The following TRPS1 variants were observed in gnomAD, a reference collection of about 807,000 sequenced individuals.
TRPS1 encodes zinc finger transcription factor Trps1.
Under a neutral mutation model 101.2 loss-of-function variants are expected in TRPS1, and 6 were observed. The ratio of observed to expected loss-of-function variants is 0.06; its 90% CI spans 0.03 to 0.12. The LOEUF is 0.12. Ranked by LOEUF, TRPS1 falls within the 10% of genes least tolerant of loss-of-function variation. The probability of loss-of-function intolerance (pLI) is 1.00; values close to 1 mark genes in which losing one functional copy is unlikely to be tolerated. For missense variants in TRPS1, 1,363 were observed against 1,567.0 expected, an observed-to-expected ratio of 0.87 and a Z score of 2.20; for synonymous variants, 578 against 589.8, an observed-to-expected ratio of 0.98 and a Z score of 0.29.
intron 4 of TRPS1, among the ~76,000 whole-genome samples, chr8:115,593,452 C>A (rs1368574084): frequency 6.6e-6 from 1 of 152,090 alleles, no homozygotes; most frequent in Admixed American, 6.6e-5. Flanking sequence ...TACTGTTTCA[C>A]GTACGTTATT....
intron 5 of TRPS1, among the ~76,000 whole-genome samples, chr8:115,503,994 T>G (rs769421423): frequency 6.6e-6 from 1 of 152,204 alleles, no homozygotes; most frequent in Non-Finnish European, 1.5e-5. Flanking sequence ...GTGTGTTTCA[T>G]TAGATTGCTC....
At chr8:115,550,536 CTT>C (rs941441919) in intron 5 of TRPS1, among the ~76,000 whole-genome samples, 2 of 152,178 alleles carry the variant, frequency 1.3e-5, no homozygotes, top group Non-Finnish European at 2.9e-5. Flanking sequence ...AAGTACAACT[CTT>C]TTAACTACCA....
At chr8:115,630,982 T>G (rs1249175098) in intron 1 of TRPS1, among the ~76,000 whole-genome samples, 1 of 152,126 alleles carries the variant, frequency 6.6e-6, no homozygotes, top group Non-Finnish European at 1.5e-5. Context: ...CATATTTGTC[T>G]GCCTCTATAG....
intron 5 of TRPS1, among the ~76,000 whole-genome samples, chr8:115,581,239 A>G (rs934282983): frequency 1.1e-4 from 17 of 152,066 alleles, no homozygotes; most frequent in Admixed American, 1.0e-3. Flanking sequence ...GGAAGAGAAG[A>G]TATTAGAGGA....
At chr8:115,505,665 C>T (rs977571167) in intron 5 of TRPS1, among the ~76,000 whole-genome samples, 1 of 151,962 alleles carries the variant, frequency 6.6e-6, no homozygotes, top group Non-Finnish European at 1.5e-5. Flanking sequence ...ACCTATCTAC[C>T]CACTAGAAGA....
chr8:115,488,286 G>A (rs1814936057), intron 5 of TRPS1, among the ~76,000 whole-genome samples: 3 of 152,136 alleles, frequency 2.0e-5, no homozygotes, highest in African/African-American at 7.2e-5. Context: ...ACTTTTATAT[G>A]CACTGAGAAG....
chr8:115,530,768 A>G (rs1816109188), intron 5 of TRPS1, among the ~76,000 whole-genome samples: 1 of 152,134 alleles, frequency 6.6e-6, no homozygotes, highest in Non-Finnish European at 1.5e-5. Flanking sequence ...TGATGAGTTC[A>G]TGTCCTTTGT....
intron 5 of TRPS1, among the ~76,000 whole-genome samples, chr8:115,555,964 G>A (rs1222364202): frequency 6.6e-6 from 1 of 152,080 alleles, no homozygotes; most frequent in Non-Finnish European, 1.5e-5. Flanking sequence ...GAGGGAGGCT[G>A]CAGTGAACCA....
rs1812842768 is a variant in TRPS1 at position 115,413,716 on chromosome 8, T to A, written c.*307A>T. On this transcript the variant is annotated 3_prime_UTR_variant, in exon 7 of 7. Coordinates refer to ENST00000395715, the MANE Select transcript of TRPS1 (RefSeq NM_014112.5). ...GTCTCTTTCTTTATAAATATATTAA[T>A]TCTAGTCTGGTGATATCTCTTATGG... 2 of 302,336 alleles carry A rather than the reference T, an allele frequency of 6.6e-6. No homozygotes were observed. Among genetic ancestry groups the A allele is most frequent in the Admixed American group, 4.8e-5 (1 of 20,962 alleles). 18.7% of individuals were successfully genotyped at this position (302,336 alleles called of 1,614,324 possible). A position where few individuals can be genotyped will look rare whatever the true frequency, so the allele number is the denominator to read the frequency against.
At chr8:115,528,517 AT>A (rs770872158) in intron 5 of TRPS1, among the ~76,000 whole-genome samples, 2 of 152,058 alleles carry the variant, frequency 1.3e-5, no homozygotes, top group African/African-American at 2.4e-5. Flanking sequence ...ATTTTAAAAG[AT>A]TTCAAACACA....
chr8:115,502,506 A>C (rs1815343392), intron 5 of TRPS1, among the ~76,000 whole-genome samples: 1 of 152,194 alleles, frequency 6.6e-6, no homozygotes, highest in Non-Finnish European at 1.5e-5. Flanking sequence ...AGGTTTCAAA[A>C]CACCTAAAGG....
chr8:115,582,973 G>C (rs1051156341), intron 5 of TRPS1, among the ~76,000 whole-genome samples: 1 of 152,056 alleles, frequency 6.6e-6, no homozygotes, highest in Non-Finnish European at 1.5e-5. Context: ...GATTTTCCAT[G>C]AGCTCCCCCT....
intron 5 of TRPS1, among the ~76,000 whole-genome samples, chr8:115,438,469 A>G (rs1287318426): frequency 6.6e-6 from 1 of 152,188 alleles, no homozygotes; most frequent in Non-Finnish European, 1.5e-5. Flanking sequence ...CAACTGGTCA[A>G]TCATGATGAA....
At chr8:115,450,001 A>G (rs1022673543) in intron 5 of TRPS1, among the ~76,000 whole-genome samples, 1 of 152,000 alleles carries the variant, frequency 6.6e-6, no homozygotes, top group Non-Finnish European at 1.5e-5. Context: ...ACATACACAC[A>G]CAGAGGAAAA....
intron 5 of TRPS1, among the ~76,000 whole-genome samples, chr8:115,447,986 C>G (rs1483825774): frequency 6.6e-6 from 1 of 152,064 alleles, no homozygotes; most frequent in Non-Finnish European, 1.5e-5. Flanking sequence ...CTTTTCCTTT[C>G]AATTATACTA....
Position 115,418,458 on chromosome 8 carries a change from A to G in TRPS1, c.2701-6T>C. 2 of 1,614,130 alleles carry G rather than the reference A, an allele frequency of 1.2e-6. No homozygotes were observed. Among genetic ancestry groups the G allele is most frequent in the Non-Finnish European group, 1.7e-6 (2 of 1,179,978 alleles). On this transcript the variant is annotated splice_polypyrimidine_tract_variant and splice_region_variant and intron_variant, in intron 5 of 6. Transcript: ENST00000395715. This position sits in a 1 kb window ranked among gnomAD's most constrained non-coding sequence, Gnocchi z 4.3. ...ACACCGGAGCCTCTACGCCTCTGAA[A>G]CAGGGGAAAAAAACCAAGGTCAGAG...
At chr8:115,461,313 A>C (rs2129973684) in intron 5 of TRPS1, among the ~76,000 whole-genome samples, 1 of 151,684 alleles carries the variant, frequency 6.6e-6, no homozygotes, top group South Asian at 2.1e-4. Flanking sequence ...AGATACATAC[A>C]TACATACATA....
intron 1 of TRPS1, among the ~76,000 whole-genome samples, chr8:115,625,342 G>A (rs1003449281): frequency 2.0e-5 from 3 of 151,714 alleles, no homozygotes; most frequent in African/African-American, 7.3e-5. Context: ...GTACAATAAG[G>A]GAATTTGAAT....
intron 1 of TRPS1, among the ~76,000 whole-genome samples, chr8:115,665,125 A>G (rs1329060466): frequency 2.0e-5 from 3 of 152,170 alleles, no homozygotes; most frequent in Non-Finnish European, 4.4e-5. Context: ...TAAAATATTC[A>G]TGTTATGAAA....
Sources: gnomAD v4.1 joint callset for allele counts (sites outside exome capture counted in the v4.1 genomes callset) on GRCh38, gnomAD v4.1.1 for gene constraint, Gnocchi (gnomAD v3.1) non-coding constraint, MANE v1.5 for transcripts, NCBI Gene and HGNC (gene_info 2026-07-23, HGNC 2026-07-21) for gene names.